Variants in TLL2 observed in about 807,000 individuals in gnomAD.
TLL2 encodes the protein tolloid like 2.
A neutral mutation model predicts 123.0 loss-of-function variants in TLL2; 106 were observed. That is an observed-to-expected ratio of 0.86 (90% confidence interval 0.74 to 1.01). The LOEUF (loss-of-function observed/expected upper bound fraction) is 1.01. Among genes scored for constraint, TLL2 ranks in the 50% least tolerant of loss-of-function variants. The pLI is 0.00. For synonymous variants in TLL2, 494 were observed against 516.8 expected (o/e 0.96, Z 0.60); for missense variants, 1,332 against 1,336.7 (o/e 1.00, Z 0.06).
At chr10:96,415,296 C>T (rs1354157677) in intron 7 of TLL2, among the ~76,000 whole-genome samples, 1 of 152,222 alleles carries the variant, frequency 6.6e-6, no homozygotes, top group African/African-American at 2.4e-5. Context: ...CCCTAGGCTG[C>T]CCATGCCCTC....
chr10:96,403,772 C>T (rs11188746), intron 10 of TLL2, among the ~76,000 whole-genome samples: 43,194 of 126,336 alleles, frequency 0.34, 6,168 homozygotes, highest in Non-Finnish European at 0.4. Context: ...CCCTGCCTGC[C>T]CCTGGGAACT....
At chr10:96,432,218 G>A (rs1471819106) in intron 4 of TLL2, among the ~76,000 whole-genome samples, 1 of 152,192 alleles carries the variant, frequency 6.6e-6, no homozygotes, top group Non-Finnish European at 1.5e-5. Context: ...TAACCCATTT[G>A]ATTCTCAAAA....
At chr10:96,478,714 C>T (rs1031860524) in intron 2 of TLL2, among the ~76,000 whole-genome samples, 4 of 152,154 alleles carry the variant, frequency 2.6e-5, no homozygotes, top group Non-Finnish European at 4.4e-5. Flanking sequence ...AAACCAGACA[C>T]AGTAATACAG....
intron 19 of TLL2, among the ~76,000 whole-genome samples, chr10:96,372,228 A>G (rs1846090958): frequency 1.3e-5 from 2 of 152,142 alleles, no homozygotes; most frequent in Admixed American, 1.3e-4. Flanking sequence ...CTGCTGTGCA[A>G]GAGGAGGCTG....
At chr10:96,395,483 G>A in intron 12 of TLL2, 101 bp from the exon 13 acceptor site, 1 of 1,245,016 alleles carries the variant, frequency 8.0e-7, no homozygotes, top group Admixed American at 2.9e-5. Context: ...ATCTAACCAA[G>A]AGGCCAAAGG....
At chr10:96,389,076 T>C (rs1367405833) in intron 13 of TLL2, among the ~76,000 whole-genome samples, 3 of 152,210 alleles carry the variant, frequency 2.0e-5, no homozygotes, top group African/African-American at 7.2e-5. Context: ...AGACATTTGC[T>C]AAAAAGCATA....
At chr10:96,508,817 T>C (rs922122841) in intron 1 of TLL2, among the ~76,000 whole-genome samples, 3 of 152,038 alleles carry the variant, frequency 2.0e-5, no homozygotes, top group African/African-American at 2.4e-5. Context: ...AGTCATCTTT[T>C]CCAAAACTGG....
At chr10:96,373,466 T>C (rs954098770) in intron 19 of TLL2, 130 bp downstream of exon 19, 2 of 844,818 alleles carry the variant, frequency 2.4e-6, no homozygotes, top group African/African-American at 3.4e-5. Context: ...ATAGGACATT[T>C]TATCACGCAC....
chr10:96,476,395 G>A (rs1048885508), intron 2 of TLL2, among the ~76,000 whole-genome samples: 2 of 150,298 alleles, frequency 1.3e-5, no homozygotes, highest in Admixed American at 1.3e-4. Context: ...AAAGTAGCTG[G>A]GACTATAGGC....
intron 2 of TLL2, among the ~76,000 whole-genome samples, chr10:96,470,586 C>T (rs1199916774): frequency 2.0e-5 from 3 of 152,186 alleles, no homozygotes; most frequent in African/African-American, 7.2e-5. Flanking sequence ...GATGGAGAGC[C>T]TAAGTCGTCA....
At chr10:96,411,350 A>G (rs1490436104) in intron 8 of TLL2, among the ~76,000 whole-genome samples, 1 of 148,660 alleles carries the variant, frequency 6.7e-6, no homozygotes, top group African/African-American at 2.5e-5. Context: ...TTCAGCTGTT[A>G]GTTTAAATCT....
chr10:96,437,593 T>C (rs1459535147), intron 3 of TLL2, among the ~76,000 whole-genome samples: 1 of 152,220 alleles, frequency 6.6e-6, no homozygotes, highest in Non-Finnish European at 1.5e-5. Flanking sequence ...CAACCACCAG[T>C]CTGTTTCCAT....
At position 96,469,810 on chromosome 10, in the gene TLL2, C is replaced by T. The variant is rs192287683; in HGVS notation, c.286+10539G>A. ...AGAGGTCCTCAATTAGCATATTTTA[C>T]ATAAGGAAGGAGAGATAGAGAGAAA... On this transcript the variant is annotated intron_variant, in intron 2 of 20. Transcript: ENST00000357947. Among the ~76,000 whole-genome samples the T allele has an allele frequency of 5.3e-5, 8 of 152,348 alleles. No individual in the cohort carries two copies. In the South Asian group the frequency reaches 8.3e-4, roughly 16 times the overall value.
chr10:96,373,966 T>G lies in TLL2; in HGVS notation c.2449-157A>C, dbSNP rs1846110838. ...GTGGCCGTGATGATGCTTGAGGACA[T>G]CTGTAGAGAGGGTCTCAACCTCCGC... On this transcript the variant is annotated intron_variant, in intron 18 of 20. Coordinates refer to ENST00000357947, the MANE Select transcript of TLL2 (RefSeq NM_012465.4). 3 of 641,778 alleles carry G rather than the reference T, an allele frequency of 4.7e-6. No homozygotes were observed. The South Asian group carries it at 5.8e-5, about 12-fold the overall frequency. 39.8% of individuals were successfully genotyped at this position (641,778 alleles called of 1,614,324 possible).
At chr10:96,442,844 T>A (rs1195643072) in intron 3 of TLL2, among the ~76,000 whole-genome samples, 1 of 152,246 alleles carries the variant, frequency 6.6e-6, no homozygotes, top group African/African-American at 2.4e-5. Flanking sequence ...CTTTCAATGC[T>A]GGATAATATA....
intron 9 of TLL2, among the ~76,000 whole-genome samples, chr10:96,407,386 C>G (rs1487150893): frequency 6.6e-6 from 1 of 152,130 alleles, no homozygotes; most frequent in South Asian, 2.1e-4. Flanking sequence ...TTAGATCTAC[C>G]TAGATCTGGA....
At chr10:96,482,207 G>A (rs1045586686) in intron 1 of TLL2, among the ~76,000 whole-genome samples, 31 of 151,066 alleles carry the variant, frequency 2.1e-4, no homozygotes, top group African/African-American at 7.3e-4. Context: ...GCAGTGAGCC[G>A]AGATCGCGCC....
intron 2 of TLL2, among the ~76,000 whole-genome samples, chr10:96,471,729 G>A (rs916512213): frequency 6.6e-6 from 1 of 152,144 alleles, no homozygotes; most frequent in Non-Finnish European, 1.5e-5. Flanking sequence ...ACTCAGGCCT[G>A]CTGGGCTCCG....
intron 13 of TLL2, among the ~76,000 whole-genome samples, chr10:96,394,861 G>A (rs887121635): frequency 6.6e-6 from 1 of 152,212 alleles, no homozygotes; most frequent in Non-Finnish European, 1.5e-5. Context: ...TACACAGTAG[G>A]TGATCAATTA....
Sources: allele counts gnomAD v4.1 joint callset (sites outside exome capture counted in the v4.1 genomes callset), GRCh38; gene constraint gnomAD v4.1.1; transcripts MANE v1.5; gene names NCBI Gene and HGNC (gene_info 2026-07-23, HGNC 2026-07-21).